The following TOP1 variants were observed in gnomAD, a reference collection of about 807,000 sequenced individuals.
TOP1 encodes DNA topoisomerase 1.
In TOP1, 10 loss-of-function variants were observed where a neutral mutation model predicts 111.1. The observed-to-expected ratio is 0.09, with a 90% CI of 0.06 to 0.15. The LOEUF is 0.15. TOP1 is among the 10% of genes least tolerant of loss of function. TOP1 has a pLI of 1.00. For synonymous variants in TOP1, 271 were observed against 302.9 expected, an observed-to-expected ratio of 0.89 and a Z score of 1.10; for missense variants, 474 against 926.7, an observed-to-expected ratio of 0.51 and a Z score of 6.34.
intron 3 of TOP1, among the ~76,000 whole-genome samples, chr20:41,062,842 G>GT (rs1198308051): frequency 6.6e-6 from 1 of 152,178 alleles, no homozygotes; most frequent in Non-Finnish European, 1.5e-5. Context: ...GACTTGAACA[G>GT]TATCAACCAA....
Position 41,115,390 on chromosome 20 carries a change from T to G in TOP1, c.1658T>G (p.Leu553Arg). 6.2e-7 allele frequency: 1 copy of G among 1,612,602 alleles called. No individual in the cohort carries two copies. The change falls in exon 16 of 21, where the codon CTA becomes CGA. Residue 553 changes from leucine to arginine, a missense_variant. This residue lies in a region of TOP1 where 18 missense variants were observed against 88.6 expected (regional missense o/e 0.20). Transcript: ENST00000361337. This position sits in a 1 kb window ranked among gnomAD's most constrained non-coding sequence, Gnocchi z 6.3. ...VEKRVFKNLQ[L>R]FMENKQPEDD... ...TTTTAGGTTTTTAAGAACCTACAAC[T>G]ATTTATGGAGAACAAGCAGCCCGAG...
intron 2 of TOP1, among the ~76,000 whole-genome samples, chr20:41,057,852 A>G (rs2033493260): frequency 6.6e-6 from 1 of 152,190 alleles, no homozygotes; most frequent in Non-Finnish European, 1.5e-5. Context: ...CACATGCTTT[A>G]TTCCAGATTG....
At chr20:41,072,225 TTTGTGACTTTGACATA>T (rs1468848560) in intron 3 of TOP1, 2 of 984,872 alleles carry the variant, frequency 2.0e-6, no homozygotes, top group African/African-American at 3.5e-5. Context: ...TTAAAGCCCT[TTTGTGACTTTGACATA>T]TTGTGTCTAT....
chr20:41,106,640 T>A lies in TOP1; in HGVS notation c.1308+5287T>A, dbSNP rs777637312. Reference sequence around the variant, plus strand: ...AAATTCTTATTTTTAAGTGATCTTATAGTTTTTATTGCTAATGTGAATGAG... The same window carrying A: ...AAATTCTTATTTTTAAGTGATCTTAAAGTTTTTATTGCTAATGTGAATGAG... On this transcript the variant is annotated intron_variant, in intron 13 of 20. Coordinates refer to ENST00000361337, the MANE Select transcript of TOP1 (RefSeq NM_003286.4). This position sits in a 1 kb window ranked among gnomAD's most constrained non-coding sequence, Gnocchi z 4.3. Among the ~76,000 whole-genome samples the A allele has an allele frequency of 6.6e-6, 1 of 152,208 alleles. No individual in the cohort carries two copies. The highest frequency in any genetic ancestry group is 6.5e-5 in the Admixed American group (1 of 15,280).
Position 41,100,782 on chromosome 20 carries a change from C to T in TOP1, c.1164-427C>T, listed in dbSNP as rs995867155. 6.0e-6 allele frequency: 1 copy of T among 166,812 alleles called. No individual in the cohort carries two copies. The highest frequency in any genetic ancestry group is 1.3e-5 in the Non-Finnish European group (1 of 76,552). 10.3% of individuals were successfully genotyped at this position (166,812 alleles called of 1,614,324 possible). A position where few individuals can be genotyped will look rare whatever the true frequency, so the allele number is the denominator to read the frequency against. On this transcript the variant is annotated intron_variant, in intron 12 of 20. Coordinates refer to ENST00000361337, the MANE Select transcript of TOP1 (RefSeq NM_003286.4). This position sits in a 1 kb window ranked among gnomAD's most constrained non-coding sequence, Gnocchi z 4.4. ...CAAATTGCCAACATCACCACTTTCA[C>T]ACTTTGGGGCCTTTATTAAGTAAAA...
intron 13 of TOP1, among the ~76,000 whole-genome samples, chr20:41,104,056 T>C (rs1481347276): frequency 6.6e-6 from 1 of 152,176 alleles, no homozygotes; most frequent in Non-Finnish European, 1.5e-5. Context: ...CAAAGTCCTT[T>C]AAGGGCTCAG....
rs1281777354 is a variant in TOP1, at chr20:41,121,345, T to C, written c.1951-351T>C. Among the ~76,000 whole-genome samples, 4 of 152,218 alleles carry C rather than the reference T, an allele frequency of 2.6e-5. No individual in the cohort carries two copies. The highest frequency in any genetic ancestry group is 9.6e-5 in the African/African-American group (4 of 41,458). On this transcript the variant is annotated intron_variant, in intron 18 of 20. Transcript: ENST00000361337. The surrounding 1 kb of genome is among the most constrained non-coding windows in gnomAD (Gnocchi z 4.2). ...GCTAAGAACTGGCACAGGATCTATT[T>C]GATAAACAGCTGTCATTTGTAGCCA...
chr20:41,041,885 G>GCT (rs1419898003), intron 2 of TOP1, among the ~76,000 whole-genome samples: 4 of 119,974 alleles, frequency 3.3e-5, no homozygotes, highest in African/African-American at 1.8e-4. Flanking sequence ...AAGCTTACAG[G>GCT]GTGATGATGA....
rs1367385735 is a variant in TOP1 at position 41,118,312 on chromosome 20, T to C, written c.1950+16T>C. Reference sequence around the variant, plus strand: ...GCAAACTAAGGTATCTTGGATAAAATGAAGGGAACTGTGTCTGCTGTGGGC... The same window carrying C: ...GCAAACTAAGGTATCTTGGATAAAACGAAGGGAACTGTGTCTGCTGTGGGC... On this transcript the variant is annotated intron_variant, in intron 18 of 20. Transcript: ENST00000361337. The surrounding 1 kb of genome is among the most constrained non-coding windows in gnomAD (Gnocchi z 4.6). 6.2e-7 allele frequency: 1 copy of C among 1,613,542 alleles called. No homozygotes were observed. Among genetic ancestry groups the C allele is most frequent in the Non-Finnish European group, 8.5e-7 (1 of 1,179,710 alleles).
At position 41,113,953 on chromosome 20, in the gene TOP1, C is replaced by T. The variant is rs372180611; in HGVS notation, c.1453-17C>T. 6.3e-7 allele frequency: 1 copy of T among 1,579,624 alleles called. No homozygotes were observed. Among genetic ancestry groups the T allele is most frequent in the African/African-American group, 1.4e-5 (1 of 73,338 alleles). ...TCTCTTCCATTCATGCTCATCTTTT[C>T]TTTCTTTCCTGGGCAGCTTGCTCTG... On this transcript the variant is annotated splice_polypyrimidine_tract_variant and intron_variant, in intron 14 of 20. Coordinates refer to ENST00000361337, the MANE Select transcript of TOP1 (RefSeq NM_003286.4).
Position 41,032,557 on chromosome 20 carries a change from A to G in TOP1, c.58+3102A>G, listed in dbSNP as rs2033134172. On this transcript the variant is annotated intron_variant, in intron 2 of 20. Coordinates refer to ENST00000361337, the MANE Select transcript of TOP1 (RefSeq NM_003286.4). The surrounding 1 kb of genome is among the most constrained non-coding windows in gnomAD (Gnocchi z 4.3). ...GTTAGCGATTCTTCTGCTGTTTCAG[A>G]GGTCTTGAAGTTTTTGCCTGTCTGC... is the stretch of plus-strand genomic sequence containing the variant. Among the ~76,000 whole-genome samples, 1 of 152,134 alleles carries G rather than the reference A, an allele frequency of 6.6e-6. No individual in the cohort carries two copies. The highest frequency in any genetic ancestry group is 6.5e-5 in the Admixed American group (1 of 15,274).
chr20:41,075,945 A>C (rs889557538), intron 3 of TOP1, among the ~76,000 whole-genome samples: 17 of 152,214 alleles, frequency 1.1e-4, no homozygotes, highest in Non-Finnish European at 1.9e-4. Flanking sequence ...CTTTAAAAAA[A>C]ATGTCCTGGT....
chr20:41,045,889 G>A (rs976266841), intron 2 of TOP1, among the ~76,000 whole-genome samples: 1 of 152,128 alleles, frequency 6.6e-6, no homozygotes, highest in East Asian at 1.9e-4. Context: ...TCACTTGCAC[G>A]CTCATGACCA....
Position 41,034,304 on chromosome 20 carries a change from T to C in TOP1, c.58+4849T>C, listed in dbSNP as rs547299261. On this transcript the variant is annotated intron_variant, in intron 2 of 20. Coordinates refer to ENST00000361337, the MANE Select transcript of TOP1 (RefSeq NM_003286.4). The surrounding 1 kb of genome is among the most constrained non-coding windows in gnomAD (Gnocchi z 4.0). ...TCTCCCTATTTCCATGCCTCATACA[T>C]CTCAAGTTTGAGCAGCAGCTTTCCA... Among the ~76,000 whole-genome samples, 1 of 152,342 alleles carries C rather than the reference T, an allele frequency of 6.6e-6. No individual in the cohort carries two copies. Among genetic ancestry groups the C allele is most frequent in the South Asian group, 2.1e-4 (1 of 4,830 alleles).
At chr20:41,060,956 T>C (rs1288055272) in intron 2 of TOP1, among the ~76,000 whole-genome samples, 1 of 152,216 alleles carries the variant, frequency 6.6e-6, no homozygotes, top group African/African-American at 2.4e-5. Context: ...GAGGGCTGAT[T>C]GTATTTTATT....
intron 8 of TOP1, among the ~76,000 whole-genome samples, chr20:41,087,720 A>G (rs1257594531): frequency 6.6e-6 from 1 of 152,232 alleles, no homozygotes; most frequent in Non-Finnish European, 1.5e-5. Flanking sequence ...AAAATTAAAT[A>G]TGAGTTTTAT....
At position 41,046,839 on chromosome 20, in the gene TOP1, A is replaced by G. The variant is rs149171603; in HGVS notation, c.59-14555A>G. 6.6e-6 allele frequency among the ~76,000 whole-genome samples: 1 copy of G among 152,338 alleles called. No individual in the cohort carries two copies. Among genetic ancestry groups the G allele is most frequent in the African/African-American group, 2.4e-5 (1 of 41,578 alleles). On this transcript the variant is annotated intron_variant, in intron 2 of 20. Coordinates refer to ENST00000361337, the MANE Select transcript of TOP1 (RefSeq NM_003286.4). The surrounding 1 kb of genome is among the most constrained non-coding windows in gnomAD (Gnocchi z 4.3). ...TCAAGGGGAATAAATAACAAATTTAACCAGCTTGCTGCTTAAGAAGCAGAA... is the reference window on the plus strand; with the variant it reads ...TCAAGGGGAATAAATAACAAATTTAGCCAGCTTGCTGCTTAAGAAGCAGAA...
Position 41,028,879 on chromosome 20 carries a change from G to A in TOP1, c.-189G>A. ...GGGGTCTGTTCTCGCCGCCCGCCCG[G>A]CAGTCAGGCAGCGTCGCCGCCGTGG... On this transcript the variant is annotated 5_prime_UTR_variant, in exon 1 of 21. Coordinates refer to ENST00000361337, the MANE Select transcript of TOP1 (RefSeq NM_003286.4). 2 of 561,760 alleles carry A rather than the reference G, an allele frequency of 3.6e-6. No individual in the cohort carries two copies. The highest frequency in any genetic ancestry group is 6.3e-6 in the Non-Finnish European group (2 of 319,590). 34.8% of individuals were successfully genotyped at this position (561,760 alleles called of 1,614,324 possible).
chr20:41,036,979 C>T (rs745454359), intron 2 of TOP1, among the ~76,000 whole-genome samples: 17 of 152,058 alleles, frequency 1.1e-4, no homozygotes, highest in East Asian at 3.9e-4. Flanking sequence ...TACAGGCGCC[C>T]GCCACCACGC....
Sources: gnomAD v4.1 joint callset for allele counts (sites outside exome capture counted in the v4.1 genomes callset) on GRCh38, gnomAD v4.1.1 for gene constraint, gnomAD v4.1.1 regional missense constraint, Gnocchi (gnomAD v3.1) non-coding constraint, MANE v1.5 for transcripts, NCBI Gene and HGNC (gene_info 2026-07-23, HGNC 2026-07-21) for gene names.